SLC25A38: variants seen among roughly 807,000 people sequenced by gnomAD.
The protein encoded by SLC25A38 is mitochondrial glycine transporter.
SLC25A38 carries 27 observed loss-of-function variants against 33.4 expected under a neutral mutation model. The observed-to-expected ratio is 0.81, with a 90% CI of 0.60 to 1.11. The LOEUF (loss-of-function observed/expected upper bound fraction) is 1.11. Among genes scored for constraint, SLC25A38 ranks in the 50% most tolerant of loss-of-function variants. SLC25A38 has a pLI of 0.00. For missense variants in SLC25A38, 344 were observed against 388.8 expected, an observed-to-expected ratio of 0.88 and a Z score of 0.97; for synonymous variants, 123 against 145.9, an observed-to-expected ratio of 0.84 and a Z score of 1.13.
Position 39,389,800 on chromosome 3 carries a change from C to T in SLC25A38, c.191+184C>T, listed in dbSNP as rs898791312. Among the ~76,000 whole-genome samples, 1 of 152,164 alleles carries T rather than the reference C, an allele frequency of 6.6e-6. No homozygotes were observed. Among genetic ancestry groups the T allele is most frequent in the Non-Finnish European group, 1.5e-5 (1 of 68,034 alleles). ...CATTTCTTTTTAATTAAATGGGGTC[C>T]GTTCCTGAGCAGCTTCCTGGAATCG... On this transcript the variant is annotated intron_variant, in intron 2 of 6. Transcript: ENST00000650617. This position sits in a 1 kb window ranked among gnomAD's most constrained non-coding sequence, Gnocchi z 4.5.
chr3:39,387,852 A>G (rs2041722084), intron 1 of SLC25A38: 1 of 153,146 alleles, frequency 6.5e-6, no homozygotes, highest in Admixed American at 6.5e-5. Flanking sequence ...TATGGCATGT[A>G]CCAGAGAGGC....
chr3:39,396,549 C>T lies in SLC25A38; in HGVS notation c.*29C>T, dbSNP rs1424915517. On this transcript the variant is annotated 3_prime_UTR_variant, in exon 7 of 7. Coordinates refer to ENST00000650617, the MANE Select transcript of SLC25A38 (RefSeq NM_017875.4). ...AGAGAGGACTGGGAACGGGTGAAAT[C>T]TGTTGCCCTGCTTGGTTTCTGCCAA... is the stretch of plus-strand genomic sequence containing the variant. The T allele has an allele frequency of 6.2e-7, 1 of 1,613,820 alleles. No homozygotes were observed. The highest frequency in any genetic ancestry group is 1.7e-5 in the Admixed American group (1 of 60,010).
At chr3:39,383,841 C>T (rs1219317254) in intron 1 of SLC25A38, 48 bp downstream of exon 1, 2 of 1,605,234 alleles carry the variant, frequency 1.2e-6, no homozygotes, top group South Asian at 1.1e-5. Context: ...ACCGCGGGCT[C>T]GGGCCGGAGA....
chr3:39,389,669 G>A lies in SLC25A38; in HGVS notation c.191+53G>A. The A allele has an allele frequency of 6.2e-7, 1 of 1,613,058 alleles. No homozygotes were observed. Among genetic ancestry groups the A allele is most frequent in the Non-Finnish European group, 8.5e-7 (1 of 1,179,172 alleles). ...GATTTCAGCAACTTCTCAGACACAG[G>A]AACATCTTTACTGTGTTAAGTCAAC... On this transcript the variant is annotated intron_variant, in intron 2 of 6. Transcript: ENST00000650617. The surrounding 1 kb of genome is among the most constrained non-coding windows in gnomAD (Gnocchi z 4.5).
chr3:39,396,951 G>A lies in SLC25A38; in HGVS notation c.*431G>A, dbSNP rs73058292. On this transcript the variant is annotated 3_prime_UTR_variant, in exon 7 of 7. Transcript: ENST00000650617. ...GCTCCAACCAGGGAAGACTGGATGT[G>A]AGGAGAGGAGTCACTGTCACCAGGT... 5.2e-3 allele frequency: 1,521 copies of A among 294,350 alleles called. 10 individuals carry two copies. The highest frequency in any genetic ancestry group is 6.4e-3 in the Non-Finnish European group (952 of 149,708). 18.2% of individuals were successfully genotyped at this position (294,350 alleles called of 1,614,324 possible). A position where few individuals can be genotyped will look rare whatever the true frequency, so the allele number is the denominator to read the frequency against.
intron 1 of SLC25A38, chr3:39,384,386 C>T (rs377630269): frequency 1.9e-5 from 6 of 309,150 alleles, no homozygotes; most frequent in Non-Finnish European, 2.9e-5. Context: ...GCGGGGCTGG[C>T]GGCGTGGTTG....
At chr3:39,390,922 C>T (rs930449216) in intron 3 of SLC25A38, among the ~76,000 whole-genome samples, 1 of 152,196 alleles carries the variant, frequency 6.6e-6, no homozygotes, top group South Asian at 2.1e-4. Flanking sequence ...TCTCTATTAT[C>T]CCAGTAATGT....
chr3:39,390,858 C>T (rs533756780), intron 3 of SLC25A38, among the ~76,000 whole-genome samples: 7 of 152,288 alleles, frequency 4.6e-5, no homozygotes, highest in African/African-American at 1.7e-4. Flanking sequence ...TAGGGACTCA[C>T]GCCAAGGAAT....
At position 39,389,521 on chromosome 3, in the gene SLC25A38, G is replaced by A. The variant is rs750402798; in HGVS notation, c.96G>A (p.Leu32=). The A allele has an allele frequency of 3.1e-6, 5 of 1,614,074 alleles. No homozygotes were observed. Among genetic ancestry groups the A allele is most frequent in the South Asian group, 1.1e-5 (1 of 91,090 alleles). ...LMLHPVIKAF[L]CGSISGTCST... ...TACATCCGGTGATCAAGGCTTTCCT[G>A]TGTGGCTCCATCAGTGGGACCTGCT... is the stretch of plus-strand genomic sequence containing the variant. Residue 32 remains leucine (L), a synonymous_variant, in exon 2 of 7, where the codon CTG becomes CTA. Transcript: ENST00000650617. The surrounding 1 kb of genome is among the most constrained non-coding windows in gnomAD (Gnocchi z 4.5).
At chr3:39,393,732 C>G (rs529830914) in intron 5 of SLC25A38, among the ~76,000 whole-genome samples, 2 of 152,328 alleles carry the variant, frequency 1.3e-5, no homozygotes, top group East Asian at 1.9e-4. Context: ...CTCCCAGGCT[C>G]AAGTGATCCT....
In SLC25A38 at chr3:39,391,536, G is replaced by A; in HGVS notation, c.372G>A (p.Leu124=). ...TGCGAGGCCATCCCCCAACCGCCCT[G>A]GAGTCAGTCATGCTGGGGGTGGGCT... is the stretch of plus-strand genomic sequence containing the variant. ...YFLRGHPPTA[L]ESVMLGVGSR... is the part of the protein sequence containing the mutation. The change falls in exon 4 of 7, where the codon CTG becomes CTA. Residue 124 remains leucine (L), a synonymous_variant. Coordinates refer to ENST00000650617, the MANE Select transcript of SLC25A38 (RefSeq NM_017875.4). The A allele has an allele frequency of 6.2e-7, 1 of 1,614,202 alleles. No homozygotes were observed. Among genetic ancestry groups the A allele is most frequent in the Non-Finnish European group, 8.5e-7 (1 of 1,180,042 alleles).
rs760952654 is a variant in SLC25A38, at chr3:39,390,138, G to T, written c.192-285G>T. On this transcript the variant is annotated intron_variant, in intron 2 of 6. Transcript: ENST00000650617. ...GTAATTTTGGTAGAGATGGGGTTTC[G>T]CCATGTTGGCCAGGCTGGTCTCAAA... Among the ~76,000 whole-genome samples the T allele has an allele frequency of 7.8e-4, 118 of 151,946 alleles. 1 individual carries two copies. The highest frequency in any genetic ancestry group is 2.4e-4 in the Non-Finnish European group (16 of 67,998).
At position 39,383,478 on chromosome 3, in the gene SLC25A38, T is replaced by TGCGGCGCGGGTGAAGA. The variant is rs2041669891; in HGVS notation, c.-238_-223dup. On this transcript the variant is annotated 5_prime_UTR_variant, in exon 1 of 7. Coordinates refer to ENST00000650617, the MANE Select transcript of SLC25A38 (RefSeq NM_017875.4). ...GGCAGGAGAGCAGAGCCGCGGAGTCTGCGGCGCGGGTGAAGAGCGGCGCGT... is the reference window on the plus strand; with the variant it reads ...GGCAGGAGAGCAGAGCCGCGGAGTCTGCGGCGCGGGTGAAGAGCGGCGCGGGTGAAGAGCGGCGCGT... 1 of 555,834 alleles carries TGCGGCGCGGGTGAAGA rather than the reference T, an allele frequency of 1.8e-6. No homozygotes were observed. Among genetic ancestry groups the TGCGGCGCGGGTGAAGA allele is most frequent in the African/African-American group, 1.9e-5 (1 of 52,712 alleles). 34.4% of individuals were successfully genotyped at this position (555,834 alleles called of 1,614,324 possible).
chr3:39,384,611 G>A (rs1225770592), intron 1 of SLC25A38: 7 of 397,268 alleles, frequency 1.8e-5, no homozygotes, highest in Admixed American at 4.4e-5. Flanking sequence ...TCCAGCCCTC[G>A]CCTCCAGATG....
At position 39,396,803 on chromosome 3, in the gene SLC25A38, G is replaced by A. The variant is rs2041835980; in HGVS notation, c.*283G>A. ...GCTACTTGGAAAGGCATTTTCCCAGGAGAGCTCTGTCAGGTGGCTGCGCTT... is the reference window on the plus strand; with the variant it reads ...GCTACTTGGAAAGGCATTTTCCCAGAAGAGCTCTGTCAGGTGGCTGCGCTT... On this transcript the variant is annotated 3_prime_UTR_variant, in exon 7 of 7. Coordinates refer to ENST00000650617, the MANE Select transcript of SLC25A38 (RefSeq NM_017875.4). The A allele has an allele frequency of 1.1e-5, 5 of 452,674 alleles. No homozygotes were observed. Among genetic ancestry groups the A allele is most frequent in the East Asian group, 4.8e-5 (1 of 20,946 alleles). The allele number at this position is 452,674 out of a possible 1,614,324, so 28.0% of individuals were successfully genotyped here.
At position 39,383,520 on chromosome 3, in the gene SLC25A38, T is replaced by C. The variant is rs987407503; in HGVS notation, c.-205T>C. On this transcript the variant is annotated 5_prime_UTR_variant, in exon 1 of 7. Transcript: ENST00000650617. ...GCGGCGCGTAATTCCCGCAGCAAGA[T>C]TGTTCCGCGCCCGCAGCCCCTGGAC... 2 of 602,454 alleles carry C rather than the reference T, an allele frequency of 3.3e-6. No individual in the cohort carries two copies. The highest frequency in any genetic ancestry group is 2.0e-5 in the South Asian group (1 of 50,718). 37.3% of individuals were successfully genotyped at this position (602,454 alleles called of 1,614,324 possible).
Position 39,385,667 on chromosome 3 carries a change from C to A in SLC25A38, c.69+1874C>A, listed in dbSNP as rs985489312. ...AGGTTTCCTGTTAGGTGGTAAGATT[C>A]ATTCCGCTGTCACTGCTGAACACCT... On this transcript the variant is annotated intron_variant, in intron 1 of 6. Transcript: ENST00000650617. 2.0e-5 allele frequency among the ~76,000 whole-genome samples: 3 copies of A among 152,172 alleles called. No individual in the cohort carries two copies. In the East Asian group the frequency reaches 5.8e-4, roughly 29 times the overall value.
intron 5 of SLC25A38, among the ~76,000 whole-genome samples, chr3:39,393,577 G>A (rs2041798047): frequency 6.6e-6 from 1 of 152,142 alleles, no homozygotes. Flanking sequence ...TTGGTTCACT[G>A]CAATCTCCTC....
rs1344507719 is a variant in SLC25A38 at position 39,396,433 on chromosome 3, C to G, written c.828C>G (p.Ile276Met). ...YGLRGFFQGG[I>M]PRALRRTLMA... Reference sequence around the variant, plus strand: ...TACGTGGCTTCTTCCAAGGTGGCATCCCCCGAGCCCTCCGCAGAACTCTAA... The same window carrying G: ...TACGTGGCTTCTTCCAAGGTGGCATGCCCCGAGCCCTCCGCAGAACTCTAA... The change falls in exon 7 of 7, where the codon ATC becomes ATG. Residue 276 changes from isoleucine (I) to methionine (M), a missense_variant. Physicochemically the swap from Ile to Met is conservative, Grantham distance 10. This residue lies in a region of SLC25A38 where 75 missense variants were observed against 117.0 expected (regional missense o/e 0.64). Coordinates refer to ENST00000650617, the MANE Select transcript of SLC25A38 (RefSeq NM_017875.4). 6.2e-7 allele frequency: 1 copy of G among 1,614,082 alleles called. No individual in the cohort carries two copies.
Sources: allele counts gnomAD v4.1 joint callset (sites outside exome capture counted in the v4.1 genomes callset), GRCh38; gene constraint gnomAD v4.1.1; regional missense constraint gnomAD v4.1.1; non-coding constraint Gnocchi (gnomAD v3.1); transcripts MANE v1.5; gene names NCBI Gene and HGNC (gene_info 2026-07-23, HGNC 2026-07-21).